Variants in FRAS1 observed in about 807,000 individuals in gnomAD.
The protein encoded by FRAS1 is Fraser extracellular matrix complex subunit 1, also known as extracellular matrix organizing protein FRAS1.
FRAS1 carries 290 observed loss-of-function variants against 435.2 expected under a neutral mutation model. The observed-to-expected ratio is 0.67, with a 90% CI of 0.61 to 0.73. The LOEUF (loss-of-function observed/expected upper bound fraction) is 0.73. FRAS1 is among the 30% of genes least tolerant of loss of function. FRAS1 has a pLI of 0.00. For missense variants in FRAS1, 4,860 were observed against 5,001.5 expected, an observed-to-expected ratio of 0.97 and a Z score of 0.85; for synonymous variants, 1,800 against 1,851.0, an observed-to-expected ratio of 0.97 and a Z score of 0.71.
intron 29 of FRAS1, among the ~76,000 whole-genome samples, chr4:78,392,522 T>C (rs1205204200): frequency 6.6e-6 from 1 of 152,168 alleles, no homozygotes; most frequent in East Asian, 1.9e-4. Context: ...CTTATGGCAT[T>C]ATTTCTGGTT....
chr4:78,486,721 G>A (rs1215692717), intron 58 of FRAS1, among the ~76,000 whole-genome samples: 1 of 152,006 alleles, frequency 6.6e-6, no homozygotes, highest in Admixed American at 6.6e-5. Context: ...TGTTGTATAT[G>A]TCTCTTGCCT....
intron 2 of FRAS1, among the ~76,000 whole-genome samples, chr4:78,179,209 G>GA (rs1560565912): frequency 6.6e-6 from 1 of 152,336 alleles, no homozygotes; most frequent in South Asian, 2.1e-4. Flanking sequence ...AATGGAATGG[G>GA]AAAATGCCAT....
intron 47 of FRAS1, among the ~76,000 whole-genome samples, chr4:78,454,172 A>AT (rs1358021295): frequency 5.8e-5 from 7 of 119,756 alleles, no homozygotes; most frequent in Non-Finnish European, 1.1e-4. Context: ...ACGCTGATAC[A>AT]TAAAAAAAAA....
chr4:78,104,874 T>A (rs1014103994), intron 2 of FRAS1, among the ~76,000 whole-genome samples: 2 of 152,236 alleles, frequency 1.3e-5, no homozygotes, highest in African/African-American at 4.8e-5. Context: ...GATTTTAGAA[T>A]GTTTTATATT....
intron 14 of FRAS1, among the ~76,000 whole-genome samples, chr4:78,295,979 G>A (rs973423140): frequency 1.3e-5 from 2 of 151,528 alleles, no homozygotes; most frequent in Non-Finnish European, 2.9e-5. Flanking sequence ...TCTTGAACTC[G>A]TGACCTCTAG....
chr4:78,427,221 A>G (rs139392603), intron 35 of FRAS1, among the ~76,000 whole-genome samples: 32 of 152,158 alleles, frequency 2.1e-4, no homozygotes, highest in Non-Finnish European at 3.8e-4. Flanking sequence ...AGAACAAGAG[A>G]CTTAAAATCA....
At chr4:78,275,197 A>C (rs1310746746) in intron 9 of FRAS1, among the ~76,000 whole-genome samples, 7 of 152,044 alleles carry the variant, frequency 4.6e-5, no homozygotes, top group South Asian at 2.1e-4. Context: ...TTATTTTGAG[A>C]CTATGTGTGT....
At chr4:78,083,933 A>G (rs1401113849) in intron 2 of FRAS1, among the ~76,000 whole-genome samples, 1 of 152,038 alleles carries the variant, frequency 6.6e-6, no homozygotes, top group Non-Finnish European at 1.5e-5. Flanking sequence ...ACTTTCCCTC[A>G]TTAACCCTCT....
intron 2 of FRAS1, among the ~76,000 whole-genome samples, chr4:78,185,055 C>T (rs989920989): frequency 6.6e-6 from 1 of 152,186 alleles, no homozygotes; most frequent in Non-Finnish European, 1.5e-5. Flanking sequence ...AAGTGGTGCC[C>T]TGGCATTCAA....
intron 2 of FRAS1, among the ~76,000 whole-genome samples, chr4:78,166,742 A>T (rs1221214855): frequency 2.6e-5 from 4 of 152,192 alleles, no homozygotes; most frequent in African/African-American, 4.8e-5. Flanking sequence ...CATACCTCCC[A>T]GCCTCTCTTG....
In FRAS1 at chr4:78,374,437, G is replaced by A. The variant is rs533437025; in HGVS notation, c.3151+186G>A. Reference sequence around the variant, plus strand: ...TATGTTGGTTAATTAGGATATAGGAGTGTAAGCCAATATTCTCTTACACAA... The same window carrying A: ...TATGTTGGTTAATTAGGATATAGGAATGTAAGCCAATATTCTCTTACACAA... On this transcript the variant is annotated intron_variant, in intron 25 of 73. Transcript: ENST00000512123. Among the ~76,000 whole-genome samples the A allele has an allele frequency of 1.4e-4, 22 of 152,312 alleles. 1 individual carries two copies. In the South Asian group the frequency reaches 4.1e-3, roughly 29 times the overall value.
At position 78,065,991 on chromosome 4, in the gene FRAS1, G is replaced by T; in HGVS notation, c.83G>T (p.Cys28Phe). The stretch of plus-strand genomic sequence containing the variant: ...GTTTTGTTTTTCCCCACAGGTGCTT[G>T]TGTCTATCAGGATTCCTTGTTGGCG... ...AVLPHHSEGA[C>F]VYQDSLLADA... The change falls in exon 2 of 74, where the codon TGT (cysteine) becomes TTT (phenylalanine). Residue 28 changes from cysteine (C) to phenylalanine (F), a missense_variant. Physicochemically the swap from Cys to Phe is radical, Grantham distance 205 (BLOSUM62 -2). Coordinates refer to ENST00000512123, the MANE Select transcript of FRAS1 (RefSeq NM_025074.7). 1.2e-6 allele frequency: 2 copies of T among 1,606,914 alleles called. No individual in the cohort carries two copies. The highest frequency in any genetic ancestry group is 1.7e-6 in the Non-Finnish European group (2 of 1,174,280).
At chr4:78,354,078 A>T (rs1342709654) in intron 20 of FRAS1, among the ~76,000 whole-genome samples, 1 of 151,072 alleles carries the variant, frequency 6.6e-6, no homozygotes, top group East Asian at 2.0e-4. Flanking sequence ...GATGCTCATG[A>T]CGTGTTGTTG....
chr4:78,379,671 G>A, intron 26 of FRAS1, 55 bp from the exon 27 acceptor site: 7 of 1,529,456 alleles, frequency 4.6e-6, no homozygotes, highest in Non-Finnish European at 6.2e-6. Flanking sequence ...AGGGGAAAGT[G>A]ACCTAATTAG....
chr4:78,087,872 T>A (rs997794128), intron 2 of FRAS1, among the ~76,000 whole-genome samples: 3 of 152,310 alleles, frequency 2.0e-5, no homozygotes, highest in Admixed American at 6.5e-5. Flanking sequence ...ATAGATTCAA[T>A]GCCATCCTCA....
In FRAS1 at chr4:78,317,429, C is replaced by T. The variant is rs1729315991; in HGVS notation, c.1881C>T (p.Ser627=). 1.2e-6 allele frequency: 2 copies of T among 1,613,462 alleles called. No individual in the cohort carries two copies. Among genetic ancestry groups the T allele is most frequent in the African/African-American group, 2.7e-5 (2 of 75,000 alleles). ...GPTPSHCTAC[S]PPKALRQGHC... ...CACCCTCTCACTGTACAGCCTGCAG[C>T]CCCCCCAAGGCTCTGCGTCAAGGCC... Residue 627 remains serine, a synonymous_variant, in exon 17 of 74, where the codon AGC becomes AGT. Transcript: ENST00000512123.
chr4:78,192,676 A>C (rs1032455647), intron 2 of FRAS1, among the ~76,000 whole-genome samples: 1 of 152,066 alleles, frequency 6.6e-6, no homozygotes, highest in Non-Finnish European at 1.5e-5. Context: ...CTTCTTTATT[A>C]GTCTTGCTAG....
rs766775115 is a variant in FRAS1, at chr4:78,421,893, C to T, written c.4571C>T (p.Ser1524Phe). 4 of 1,613,952 alleles carry T rather than the reference C, an allele frequency of 2.5e-6. No homozygotes were observed. Among genetic ancestry groups the T allele is most frequent in the Non-Finnish European group, 3.4e-6 (4 of 1,179,842 alleles). ...ATCGAGCACCGGGACCACCCTCACT[C>T]TCCTATCCGGTATTTCACGCAAGAG... ...GIIEHRDHPH[S>F]PIRYFTQEDI... Residue 1524 changes from serine to phenylalanine, a missense_variant, in exon 34 of 74, where the codon TCT becomes TTT. Transcript: ENST00000512123.
chr4:78,237,726 G>A, intron 3 of FRAS1, 109 bp downstream of exon 3: 2 of 485,940 alleles, frequency 4.1e-6, no homozygotes, highest in Middle Eastern at 6.1e-4. Context: ...TCTCTACCTG[G>A]GAGCTTAATG....
Sources: gnomAD v4.1 joint callset for allele counts (sites outside exome capture counted in the v4.1 genomes callset) on GRCh38, gnomAD v4.1.1 for gene constraint, MANE v1.5 for transcripts, NCBI Gene and HGNC (gene_info 2026-07-23, HGNC 2026-07-21) for gene names.